CDH5: variants seen among roughly 807,000 people sequenced by gnomAD.
CDH5 encodes cadherin 5, also known as cadherin-5.
Under a neutral mutation model 62.0 loss-of-function variants are expected in CDH5, and 28 were observed. That is an observed-to-expected ratio of 0.45 (90% CI 0.33 to 0.62). CDH5 has a LOEUF of 0.62. CDH5 is among the 20% of genes least tolerant of loss of function. The pLI is 0.02. For synonymous variants in CDH5, 464 were observed against 445.8 expected (o/e 1.04, Z -0.52); for missense variants, 940 against 1,065.1 (o/e 0.88, Z 1.63).
intron 6 of CDH5, 77 bp from the exon 7 acceptor site, chr16:66,392,059 A>C: frequency 6.4e-7 from 1 of 1,568,612 alleles, no homozygotes; most frequent in South Asian, 1.1e-5. Context: ...ACTACCTTGC[A>C]TAGTTGCTGT....
chr16:66,381,368 T>C (rs1041627668), intron 2 of CDH5, among the ~76,000 whole-genome samples: 1 of 152,212 alleles, frequency 6.6e-6, no homozygotes, highest in Non-Finnish European at 1.5e-5. Flanking sequence ...GCTCAGAGCA[T>C]ATCTGAGTGA....
At chr16:66,394,864 T>TG (rs1159272481) in intron 7 of CDH5, among the ~76,000 whole-genome samples, 4 of 53,150 alleles carry the variant, frequency 7.5e-5, no homozygotes, top group African/African-American at 1.4e-4. Flanking sequence ...TTTTGGGGGG[T>TG]GGGGGGGACA....
intron 8 of CDH5, 43 bp from the exon 9 acceptor site, chr16:66,397,939 G>A (rs192967747): frequency 1.2e-6 from 2 of 1,612,654 alleles, no homozygotes; most frequent in Non-Finnish European, 1.7e-6. Flanking sequence ...CCCAAGGCCA[G>A]CATCAGCTGA....
chr16:66,386,196 C>T (rs1168651075), intron 2 of CDH5, among the ~76,000 whole-genome samples: 1 of 151,960 alleles, frequency 6.6e-6, no homozygotes, highest in Non-Finnish European at 1.5e-5. Flanking sequence ...AGGCACCATT[C>T]TAGGCATGCT....
chr16:66,376,831 G>T (rs1960795854), intron 1 of CDH5, among the ~76,000 whole-genome samples: 1 of 152,108 alleles, frequency 6.6e-6, no homozygotes, highest in Non-Finnish European at 1.5e-5. Flanking sequence ...TTATTTTCCT[G>T]TTGTTCCCAT....
chr16:66,393,848 A>C (rs532093199), intron 7 of CDH5, among the ~76,000 whole-genome samples: 4 of 152,296 alleles, frequency 2.6e-5, no homozygotes, highest in African/African-American at 9.6e-5. Flanking sequence ...CTAATGTTTC[A>C]AGGGTATTAA....
intron 9 of CDH5, 47 bp downstream of exon 9, chr16:66,398,153 A>G (rs1457032838): frequency 6.2e-7 from 1 of 1,612,342 alleles, no homozygotes; most frequent in Non-Finnish European, 8.5e-7. Context: ...ACCCTGGGGC[A>G]GGCTGGGGGG....
rs542903669 is a variant in CDH5, at chr16:66,386,926, C to A, written c.328C>A (p.Arg110=). 1.1e-5 allele frequency: 17 copies of A among 1,614,160 alleles called. No homozygotes were observed. The highest frequency in any genetic ancestry group is 1.3e-5 in the Non-Finnish European group (15 of 1,180,030). The change falls in exon 3 of 12, where the codon CGG becomes AGG. Residue 110 remains arginine (R), a synonymous_variant. Transcript: ENST00000341529. The stretch of plus-strand genomic sequence containing the variant: ...CGTGTTCGCCATTGAGAGGCTGGAC[C>A]GGGAGAATATCTCAGAGTACCACCT... ...GDVFAIERLD[R]ENISEYHLTA...
chr16:66,400,646 A>C, intron 10 of CDH5, 125 bp from the exon 11 acceptor site: 2 of 1,110,018 alleles, frequency 1.8e-6, no homozygotes, highest in Non-Finnish European at 2.7e-6. Context: ...CGCTGGGTGC[A>C]AAGGGCAGAA....
At chr16:66,386,476 A>C (rs1960985027) in intron 2 of CDH5, among the ~76,000 whole-genome samples, 1 of 151,938 alleles carries the variant, frequency 6.6e-6, no homozygotes, top group African/African-American at 2.4e-5. Context: ...TTCCATTTTT[A>C]TGGCCATATG....
intron 1 of CDH5, among the ~76,000 whole-genome samples, chr16:66,371,650 C>A (rs1456561594): frequency 6.6e-6 from 1 of 152,150 alleles, no homozygotes; most frequent in Non-Finnish European, 1.5e-5. Flanking sequence ...TCCTCTGCCC[C>A]ACCCCTGAGG....
At chr16:66,394,554 A>G (rs77474261) in intron 7 of CDH5, among the ~76,000 whole-genome samples, 4,638 of 105,610 alleles carry the variant, frequency 0.044, 218 homozygotes, top group African/African-American at 0.14. Context: ...TATACAGTCT[A>G]TGTTTCTTTA....
At position 66,389,521 on chromosome 16, in the gene CDH5, G is replaced by A; in HGVS notation, c.780G>A (p.Gln260=). Residue 260 remains glutamine (Q), a splice_region_variant and synonymous_variant, in exon 5 of 12, where the codon CAG becomes CAA. Coordinates refer to ENST00000341529, the MANE Select transcript of CDH5 (RefSeq NM_001795.5). ...ATGACAACTTCCCCTTCTTCACCCA[G>A]AGTGAGCCCCTCCTCTAGGGCCCTG... ...DINDNFPFFT[Q]TKYTFVVPED... The A allele has an allele frequency of 1.3e-6, 2 of 1,585,148 alleles. No homozygotes were observed. The highest frequency in any genetic ancestry group is 1.7e-6 in the Non-Finnish European group (2 of 1,161,008).
chr16:66,384,516 G>A (rs1373664563), intron 2 of CDH5, among the ~76,000 whole-genome samples: 1 of 152,008 alleles, frequency 6.6e-6, no homozygotes, highest in East Asian at 1.9e-4. Flanking sequence ...ATTCTGAGAG[G>A]CCAAGGCAGG....
intron 2 of CDH5, among the ~76,000 whole-genome samples, chr16:66,379,831 G>A (rs979596233): frequency 2.0e-5 from 3 of 152,072 alleles, no homozygotes; most frequent in Non-Finnish European, 4.4e-5. Context: ...TGGTAGTGAT[G>A]ATAAAGGGGT....
chr16:66,386,716 C>T, intron 2 of CDH5, 93 bp from the exon 3 acceptor site: 2 of 1,162,632 alleles, frequency 1.7e-6, no homozygotes, highest in South Asian at 3.0e-5. Flanking sequence ...TACACACATG[C>T]ACAGGCACAC....
rs531289116 is a variant in CDH5, at chr16:66,400,925, C to T, written c.1746C>T (p.Gly582=). The T allele has an allele frequency of 1.1e-5, 18 of 1,614,168 alleles. No individual in the cohort carries two copies. The highest frequency in any genetic ancestry group is 5.0e-5 in the Admixed American group (3 of 60,030). ...TVAVCKCNEQ[G]EFTFCEDMAA... ...CCGTGTGCAAGTGCAACGAGCAGGG[C>T]GAGTTCACCTTCTGCGAGGATATGG... Residue 582 remains glycine, a synonymous_variant, in exon 11 of 12, where the codon GGC becomes GGT. Coordinates refer to ENST00000341529, the MANE Select transcript of CDH5 (RefSeq NM_001795.5).
At chr16:66,397,171 T>G (rs1004677095) in intron 8 of CDH5, among the ~76,000 whole-genome samples, 3 of 152,232 alleles carry the variant, frequency 2.0e-5, no homozygotes, top group Non-Finnish European at 2.9e-5. Flanking sequence ...TCCACATTTT[T>G]ACTTAACCTT....
At chr16:66,374,815 T>C (rs534338428) in intron 1 of CDH5, among the ~76,000 whole-genome samples, 13 of 152,148 alleles carry the variant, frequency 8.5e-5, no homozygotes, top group Non-Finnish European at 1.8e-4. Context: ...TTTATTAGTA[T>C]ACTTTAAGTT....
Sources: allele counts gnomAD v4.1 joint callset (sites outside exome capture counted in the v4.1 genomes callset), GRCh38; gene constraint gnomAD v4.1.1; transcripts MANE v1.5; gene names NCBI Gene and HGNC (gene_info 2026-07-23, HGNC 2026-07-21).